Variants in LIN7A observed in about 807,000 individuals in gnomAD.
The protein encoded by LIN7A is lin-7 cell polarity scaffold A.
In LIN7A, 25 loss-of-function variants were observed where a neutral mutation model predicts 29.8. The observed-to-expected ratio is 0.84, with a 90% CI of 0.61 to 1.17. LIN7A has a LOEUF of 1.17. LIN7A is among the 50% of genes most tolerant of loss of function. The pLI is 0.00. For synonymous variants in LIN7A, 118 were observed against 107.5 expected, an observed-to-expected ratio of 1.10 and a Z score of -0.60; for missense variants, 239 against 287.0, an observed-to-expected ratio of 0.83 and a Z score of 1.21.
chr12:80,935,661 T>C (rs1024819438), intron 1 of LIN7A: 1 of 312,634 alleles, frequency 3.2e-6, no homozygotes, highest in African/African-American at 2.1e-5. Flanking sequence ...ATATATTGAC[T>C]TTATGCTCAG....
At chr12:80,843,940 A>T (rs775550625) in intron 4 of LIN7A, among the ~76,000 whole-genome samples, 1 of 152,006 alleles carries the variant, frequency 6.6e-6, no homozygotes, top group Non-Finnish European at 1.5e-5. Flanking sequence ...TAGCTCCCTT[A>T]TAAGAAAGCT....
At chr12:80,873,961 T>C (rs528768186) in intron 2 of LIN7A, among the ~76,000 whole-genome samples, 1 of 152,086 alleles carries the variant, frequency 6.6e-6, no homozygotes, top group East Asian at 1.9e-4. Context: ...GCTGCATTTC[T>C]AGGTGCTAGC....
chr12:80,798,504 G>A (rs1870562634), intron 5 of LIN7A, among the ~76,000 whole-genome samples: 2 of 151,992 alleles, frequency 1.3e-5, no homozygotes, highest in South Asian at 2.1e-4. Context: ...ATTGAAAACC[G>A]TGCATAAACC....
intron 4 of LIN7A, among the ~76,000 whole-genome samples, chr12:80,825,301 C>T (rs867458066): frequency 1.3e-5 from 2 of 152,214 alleles, no homozygotes; most frequent in Non-Finnish European, 2.9e-5. Context: ...TCTGCCAAGA[C>T]CCTAAGGGCA....
Position 80,811,501 on chromosome 12 carries a change from C to T in LIN7A, c.666G>A (p.Gln222=). The T allele has an allele frequency of 2.5e-6, 4 of 1,584,564 alleles. No individual in the cohort carries two copies. The highest frequency in any genetic ancestry group is 3.5e-6 in the Non-Finnish European group (4 of 1,158,830). ...QQLLIQQQQQ[Q]QQQQTQQNHM... is the part of the protein sequence containing the mutation. The stretch of plus-strand genomic sequence containing the variant: ...GGTTTTGTTGTGTTTGTTGCTGCTG[C>T]TGCTGTTGCTGCTGCTGAATTAGCA... Residue 222 remains glutamine (Q), a synonymous_variant, in exon 5 of 6, where the codon CAG becomes CAA. Coordinates refer to ENST00000552864, the MANE Select transcript of LIN7A (RefSeq NM_004664.4).
At chr12:80,848,474 C>A in intron 2 of LIN7A, 152 bp from the exon 3 acceptor site, 1 of 600,852 alleles carries the variant, frequency 1.7e-6, no homozygotes, top group Non-Finnish European at 3.0e-6. Flanking sequence ...CCTGATAGCA[C>A]TCCTTAAACA....
At chr12:80,931,628 ACT>A (rs1162502153) in intron 1 of LIN7A, among the ~76,000 whole-genome samples, 3 of 143,022 alleles carry the variant, frequency 2.1e-5, no homozygotes, top group Non-Finnish European at 4.5e-5. Context: ...ACAGGGCAAG[ACT>A]CTGTCAAAAA....
chr12:80,912,932 C>A (rs1297727198), intron 1 of LIN7A, among the ~76,000 whole-genome samples: 1 of 152,042 alleles, frequency 6.6e-6, no homozygotes, highest in Non-Finnish European at 1.5e-5. Flanking sequence ...AAGAACAAAA[C>A]ACTCATGTTT....
chr12:80,826,971 G>A (rs936800754), intron 4 of LIN7A, among the ~76,000 whole-genome samples: 1 of 152,186 alleles, frequency 6.6e-6, no homozygotes, highest in South Asian at 2.1e-4. Context: ...TACTCATCCA[G>A]TGTTTGTTTA....
chr12:80,847,091 G>T (rs1249814913), intron 3 of LIN7A, among the ~76,000 whole-genome samples: 2 of 152,198 alleles, frequency 1.3e-5, no homozygotes, highest in African/African-American at 4.8e-5. Context: ...ACATGCATTT[G>T]CTCATGCAAA....
At chr12:80,915,728 G>A (rs74681558) in intron 1 of LIN7A, among the ~76,000 whole-genome samples, 2,096 of 152,264 alleles carry the variant, frequency 0.014, 47 homozygotes, top group African/African-American at 0.048. Context: ...TGCAGCAACT[G>A]GATGGATGCA....
At chr12:80,833,668 T>G (rs1243090783) in intron 4 of LIN7A, among the ~76,000 whole-genome samples, 1 of 152,206 alleles carries the variant, frequency 6.6e-6, no homozygotes, top group Non-Finnish European at 1.5e-5. Context: ...ACCCTACTCT[T>G]TAGCTACAAA....
intron 5 of LIN7A, among the ~76,000 whole-genome samples, chr12:80,808,449 C>T (rs915366515): frequency 6.6e-6 from 1 of 151,918 alleles, no homozygotes; most frequent in Non-Finnish European, 1.5e-5. Flanking sequence ...AACAGTGCCT[C>T]GCTTGTAACA....
chr12:80,804,492 G>T (rs1870876384), intron 5 of LIN7A, among the ~76,000 whole-genome samples: 1 of 151,732 alleles, frequency 6.6e-6, no homozygotes, highest in African/African-American at 2.4e-5. Context: ...TCTGTGCTTG[G>T]CTTATTTCAC....
chr12:80,843,046 G>T (rs1272668735), intron 4 of LIN7A, among the ~76,000 whole-genome samples: 1 of 152,092 alleles, frequency 6.6e-6, no homozygotes, highest in African/African-American at 2.4e-5. Context: ...ATGAAAAAAT[G>T]ATGCTTTACT....
intron 1 of LIN7A, among the ~76,000 whole-genome samples, chr12:80,931,573 G>A (rs553516867): frequency 6.6e-6 from 1 of 150,394 alleles, no homozygotes; most frequent in Non-Finnish European, 1.5e-5. Flanking sequence ...AAAAGGCTGA[G>A]GTTGCAGTGA....
chr12:80,863,136 G>A (rs894753656), intron 2 of LIN7A, among the ~76,000 whole-genome samples: 3 of 152,192 alleles, frequency 2.0e-5, no homozygotes, highest in Non-Finnish European at 4.4e-5. Flanking sequence ...TCCTGCATGT[G>A]CAGCTTTGAT....
chr12:80,853,799 C>T (rs750139914), intron 2 of LIN7A, among the ~76,000 whole-genome samples: 8 of 152,140 alleles, frequency 5.3e-5, no homozygotes, highest in African/African-American at 1.7e-4. Context: ...CAGATTCAAG[C>T]GATTCTGCTG....
chr12:80,870,764 C>T (rs182750651), intron 2 of LIN7A, among the ~76,000 whole-genome samples: 2 of 152,294 alleles, frequency 1.3e-5, no homozygotes, highest in East Asian at 3.9e-4. Context: ...GAGTCAAGAA[C>T]ATCAGAGTGC....
Sources: allele counts gnomAD v4.1 joint callset (sites outside exome capture counted in the v4.1 genomes callset), GRCh38; gene constraint gnomAD v4.1.1; transcripts MANE v1.5; gene names NCBI Gene and HGNC (gene_info 2026-07-23, HGNC 2026-07-21).